Variants in TBC1D22A observed in about 807,000 individuals in gnomAD.
The protein encoded by TBC1D22A is putative GTPase activator.
A neutral mutation model predicts 60.2 loss-of-function variants in TBC1D22A; 38 were observed. The ratio of observed to expected loss-of-function variants is 0.63; its 90% CI spans 0.49 to 0.83. The LOEUF (loss-of-function observed/expected upper bound fraction) is 0.83. TBC1D22A is among the 40% of genes least tolerant of loss of function. The pLI is 0.00. For synonymous variants in TBC1D22A, 302 were observed against 281.7 expected, an observed-to-expected ratio of 1.07 and a Z score of -0.72; for missense variants, 628 against 701.0, an observed-to-expected ratio of 0.90 and a Z score of 1.18.
At chr22:46,934,636 A>G (rs1191888068) in intron 8 of TBC1D22A, among the ~76,000 whole-genome samples, 1 of 152,208 alleles carries the variant, frequency 6.6e-6, no homozygotes, top group Non-Finnish European at 1.5e-5. Context: ...GGCAGTAGTG[A>G]TGGAGTCCTG....
intron 12 of TBC1D22A, among the ~76,000 whole-genome samples, chr22:47,135,451 T>C (rs1431301761): frequency 6.6e-6 from 1 of 152,136 alleles, no homozygotes; most frequent in African/African-American, 2.4e-5. Context: ...CTGGGGTTCA[T>C]GCGAGAAGGC....
intron 7 of TBC1D22A, among the ~76,000 whole-genome samples, chr22:46,902,745 C>G (rs1245867907): frequency 6.6e-6 from 1 of 151,182 alleles, no homozygotes; most frequent in Non-Finnish European, 1.5e-5. Context: ...TTTTGACACA[C>G]AAAGTTGTAA....
chr22:46,987,362 T>C (rs903336131), intron 9 of TBC1D22A, among the ~76,000 whole-genome samples: 1 of 152,226 alleles, frequency 6.6e-6, no homozygotes, highest in African/African-American at 2.4e-5. Context: ...TCACTTATTA[T>C]TGCTAGGAGC....
chr22:46,971,252 G>T (rs1205831735), intron 8 of TBC1D22A, among the ~76,000 whole-genome samples: 3 of 152,198 alleles, frequency 2.0e-5, no homozygotes, highest in Non-Finnish European at 4.4e-5. Context: ...CGAGGCTCCT[G>T]CCTGGCTCAC....
At chr22:47,045,842 T>A (rs1386788619) in intron 11 of TBC1D22A, among the ~76,000 whole-genome samples, 2 of 152,100 alleles carry the variant, frequency 1.3e-5, no homozygotes, top group Admixed American at 1.3e-4. Flanking sequence ...GGGGCTTGGT[T>A]TTGGTCCCAG....
At chr22:46,814,527 G>T (rs2085510224) in intron 4 of TBC1D22A, among the ~76,000 whole-genome samples, 1 of 152,192 alleles carries the variant, frequency 6.6e-6, no homozygotes, top group Admixed American at 6.5e-5. Context: ...GATTCCCCAG[G>T]ACGTTAAAAA....
At chr22:46,986,420 G>A (rs1312011036) in intron 9 of TBC1D22A, among the ~76,000 whole-genome samples, 1 of 149,676 alleles carries the variant, frequency 6.7e-6, no homozygotes, top group Non-Finnish European at 1.5e-5. Context: ...AAAGCCTGTT[G>A]AGATTTTGAA....
intron 10 of TBC1D22A, among the ~76,000 whole-genome samples, chr22:47,011,358 A>G (rs929161360): frequency 4.6e-5 from 7 of 152,114 alleles, no homozygotes; most frequent in African/African-American, 1.7e-4. Context: ...CCTGACCAGC[A>G]TCTTGTGCCT....
At chr22:46,828,476 CACGGCCT>C (rs1213125421) in intron 4 of TBC1D22A, among the ~76,000 whole-genome samples, 1 of 152,264 alleles carries the variant, frequency 6.6e-6, no homozygotes, top group East Asian at 1.9e-4. Flanking sequence ...TACCCACTCC[CACGGCCT>C]GTCCTGGAGT....
intron 11 of TBC1D22A, among the ~76,000 whole-genome samples, chr22:47,079,607 C>T (rs150532285): frequency 3.0e-4 from 45 of 152,096 alleles, no homozygotes; most frequent in African/African-American, 8.9e-4. Flanking sequence ...TTCTATAAAC[C>T]CTAGAGCGAC....
At position 46,912,164 on chromosome 22, in the gene TBC1D22A, G is replaced by T; in HGVS notation, c.991G>T (p.Val331Leu). 3 of 1,613,656 alleles carry T rather than the reference G, an allele frequency of 1.9e-6. No homozygotes were observed. The highest frequency in any genetic ancestry group is 2.5e-6 in the Non-Finnish European group (3 of 1,179,852). Residue 331 changes from valine to leucine, a missense_variant, in exon 8 of 13, where the codon GTG (valine) becomes TTG (leucine). By Grantham distance (32) the Val-to-Leu change is conservative. Coordinates refer to ENST00000337137, the MANE Select transcript of TBC1D22A (RefSeq NM_014346.5). ...GINDLVTPFFVVFICEYIEAE... is the reference protein window; with the variant it reads ...GINDLVTPFFLVFICEYIEAE... ...AAATGATCTCGTCACTCCTTTCTTT[G>T]TGGTCTTCATTTGTGAATACATAGG...
chr22:46,921,205 C>G (rs545724860), intron 8 of TBC1D22A, among the ~76,000 whole-genome samples: 1 of 152,104 alleles, frequency 6.6e-6, no homozygotes, highest in South Asian at 2.1e-4. Context: ...AGCGTAGTAC[C>G]CGAGAGGTAG....
At chr22:47,159,249 T>G (rs910048449) in intron 12 of TBC1D22A, among the ~76,000 whole-genome samples, 1 of 141,842 alleles carries the variant, frequency 7.1e-6, no homozygotes, top group Admixed American at 7.0e-5. Flanking sequence ...AAATATACCA[T>G]GTATGCACGC....
chr22:46,838,202 A>C (rs1286257289), intron 4 of TBC1D22A, among the ~76,000 whole-genome samples: 1 of 152,266 alleles, frequency 6.6e-6, no homozygotes, highest in Non-Finnish European at 1.5e-5. Context: ...GTAGAAAAAC[A>C]ACAGACGAGA....
chr22:46,904,480 T>TTTTG (rs2069300618), intron 7 of TBC1D22A, among the ~76,000 whole-genome samples: 1 of 151,860 alleles, frequency 6.6e-6, no homozygotes, highest in Admixed American at 6.6e-5. Context: ...ACGAATTTTT[T>TTTTG]TTTTTTGAGA....
At chr22:46,995,993 C>T (rs9627639) in intron 9 of TBC1D22A, among the ~76,000 whole-genome samples, 2,944 of 152,330 alleles carry the variant, frequency 0.019, 81 homozygotes, top group African/African-American at 0.059. Context: ...CCGGGTGCCA[C>T]GTGGACAGCT....
rs2083755763 is a variant in TBC1D22A, at chr22:46,777,538, A to G, written c.62+14690A>G. ...CGGGTGGAGGAGGTCAGGAGAGAGC[A>G]TGATTTTTCATAAGAGAAGGAAGGA... On this transcript the variant is annotated intron_variant, in intron 1 of 12. Transcript: ENST00000337137. This position sits in a 1 kb window ranked among gnomAD's most constrained non-coding sequence, Gnocchi z 4.5. 6.6e-6 allele frequency among the ~76,000 whole-genome samples: 1 copy of G among 152,132 alleles called. No homozygotes were observed. Among genetic ancestry groups the G allele is most frequent in the African/African-American group, 2.4e-5 (1 of 41,432 alleles).
intron 11 of TBC1D22A, among the ~76,000 whole-genome samples, chr22:47,054,993 G>A (rs1321803149): frequency 2.0e-5 from 3 of 152,208 alleles, no homozygotes; most frequent in Admixed American, 6.5e-5. Flanking sequence ...CCACCCCTGC[G>A]CAGCTGGGTG....
At chr22:47,041,458 C>T (rs971533289) in intron 11 of TBC1D22A, among the ~76,000 whole-genome samples, 6 of 152,194 alleles carry the variant, frequency 3.9e-5, no homozygotes, top group East Asian at 1.9e-4. Context: ...GCAGGTGCTG[C>T]GGAGGGACTG....
Sources: allele counts gnomAD v4.1 joint callset (sites outside exome capture counted in the v4.1 genomes callset), GRCh38; gene constraint gnomAD v4.1.1; non-coding constraint Gnocchi (gnomAD v3.1); transcripts MANE v1.5; gene names NCBI Gene and HGNC (gene_info 2026-07-23, HGNC 2026-07-21).